Variants in ARHGAP15 observed in about 807,000 individuals in gnomAD.
ARHGAP15 encodes rho GTPase-activating protein 15.
In ARHGAP15, 51 loss-of-function variants were observed where a neutral mutation model predicts 63.7. That is an observed-to-expected ratio of 0.80 (90% CI 0.64 to 1.01). The LOEUF (loss-of-function observed/expected upper bound fraction) is 1.01. ARHGAP15 is among the 50% of genes least tolerant of loss of function. ARHGAP15 has a pLI of 0.00. For synonymous variants in ARHGAP15, 191 were observed against 193.8 expected, an observed-to-expected ratio of 0.99 and a Z score of 0.12; for missense variants, 560 against 564.6, an observed-to-expected ratio of 0.99 and a Z score of 0.08.
chr2:143,684,460 T>G (rs181294246), intron 12 of ARHGAP15, among the ~76,000 whole-genome samples: 104 of 151,910 alleles, frequency 6.8e-4, no homozygotes, highest in African/African-American at 2.4e-3. Flanking sequence ...GGATGGATCA[T>G]CTCATCTCAG....
intron 11 of ARHGAP15, among the ~76,000 whole-genome samples, chr2:143,587,029 T>A (rs528024500): frequency 6.6e-6 from 1 of 152,200 alleles, no homozygotes; most frequent in South Asian, 2.1e-4. Flanking sequence ...TTGGCACTGT[T>A]CCTATGTGAT....
chr2:143,429,421 A>G (rs971606163), intron 6 of ARHGAP15, among the ~76,000 whole-genome samples: 4 of 152,146 alleles, frequency 2.6e-5, no homozygotes, highest in Non-Finnish European at 4.4e-5. Flanking sequence ...TCACTTAAAA[A>G]GCATTGTTTC....
intron 12 of ARHGAP15, among the ~76,000 whole-genome samples, chr2:143,625,497 G>A (rs997900467): frequency 3.2e-4 from 49 of 152,200 alleles, no homozygotes; most frequent in Middle Eastern, 3.4e-3. Flanking sequence ...TGCTGTTGTT[G>A]AATGCAGTAA....
intron 9 of ARHGAP15, among the ~76,000 whole-genome samples, chr2:143,509,102 C>G (rs565324434): frequency 6.6e-6 from 1 of 152,182 alleles, no homozygotes; most frequent in African/African-American, 2.4e-5. Flanking sequence ...ACTCCGCTAT[C>G]CTTGTTCGGG....
At chr2:143,465,403 G>T (rs1187338702) in intron 8 of ARHGAP15, among the ~76,000 whole-genome samples, 1 of 152,096 alleles carries the variant, frequency 6.6e-6, no homozygotes, top group Non-Finnish European at 1.5e-5. Context: ...TTAAGAATTG[G>T]ACCGTCCTTA....
chr2:143,585,367 C>T (rs1369587011), intron 11 of ARHGAP15, among the ~76,000 whole-genome samples: 1 of 152,012 alleles, frequency 6.6e-6, no homozygotes, highest in Non-Finnish European at 1.5e-5. Flanking sequence ...AGAAAAATTA[C>T]ATCATCTAGT....
At position 143,461,090 on chromosome 2, in the gene ARHGAP15, G is replaced by T. The variant is rs182572337; in HGVS notation, c.703+24048G>T. On this transcript the variant is annotated intron_variant, in intron 8 of 13. Transcript: ENST00000295095. ...GGATCGCCTCGGGTCAGGAGTTTGA[G>T]ACCAGCCTGGCCAACATGGTGAAAC... is the stretch of plus-strand genomic sequence containing the variant. 1.3e-3 allele frequency among the ~76,000 whole-genome samples: 197 copies of T among 151,776 alleles called. 1 individual carries two copies. The highest frequency in any genetic ancestry group is 4.6e-3 in the African/African-American group (192 of 41,388).
chr2:143,153,836 CTT>C lies in ARHGAP15; in HGVS notation c.-14-1640_-14-1639del, dbSNP rs1558779538. On this transcript the variant is annotated intron_variant, in intron 1 of 13. Transcript: ENST00000295095. ...TCTTCTTCTTCTTCTTCTTCTTCTT[CTT>C]CTTCTTCCTCCTCCTCCTCCTCCTC... 3.7e-3 allele frequency among the ~76,000 whole-genome samples: 318 copies of C among 85,420 alleles called. 2 individuals are homozygous for C. Among genetic ancestry groups the C allele is most frequent in the African/African-American group, 7.7e-3 (183 of 23,892 alleles). The allele number at this position is 85,420 out of a possible 152,430, so 56.0% of individuals were successfully genotyped here.
At chr2:143,161,823 C>A (rs957020415) in intron 2 of ARHGAP15, among the ~76,000 whole-genome samples, 1 of 151,772 alleles carries the variant, frequency 6.6e-6, no homozygotes, top group African/African-American at 2.4e-5. Context: ...AGAGTGAGAG[C>A]TGAGGATGAT....
intron 13 of ARHGAP15, among the ~76,000 whole-genome samples, chr2:143,716,813 C>G (rs1034434381): frequency 6.6e-6 from 1 of 152,232 alleles, no homozygotes; most frequent in African/African-American, 2.4e-5. Context: ...GATAGAGGCA[C>G]AGGCCAATCC....
intron 13 of ARHGAP15, among the ~76,000 whole-genome samples, chr2:143,735,605 G>A (rs549228843): frequency 2.2e-4 from 34 of 152,166 alleles, no homozygotes; most frequent in South Asian, 1.2e-3. Context: ...TTATTTGTTC[G>A]TTCCTGATCC....
intron 6 of ARHGAP15, among the ~76,000 whole-genome samples, chr2:143,264,169 A>C (rs1402380663): frequency 6.6e-6 from 1 of 151,880 alleles, no homozygotes; most frequent in Non-Finnish European, 1.5e-5. Flanking sequence ...ATAGCATTTC[A>C]ATCCATGGAT....
intron 6 of ARHGAP15, chr2:143,435,198 A>G: frequency 1.1e-6 from 1 of 924,954 alleles, no homozygotes; most frequent in Non-Finnish European, 1.3e-6. Context: ...TAGAGATACT[A>G]TTAGATTTGA....
At chr2:143,691,464 T>C (rs1476022425) in intron 12 of ARHGAP15, among the ~76,000 whole-genome samples, 2 of 152,200 alleles carry the variant, frequency 1.3e-5, no homozygotes, top group Non-Finnish European at 2.9e-5. Context: ...GATGGAACCA[T>C]GCTACAATGT....
chr2:143,729,527 A>G (rs917741566), intron 13 of ARHGAP15, among the ~76,000 whole-genome samples: 1 of 152,180 alleles, frequency 6.6e-6, no homozygotes, highest in East Asian at 1.9e-4. Flanking sequence ...TTCTATTGAA[A>G]CAGCTACTGC....
At chr2:143,146,315 C>T (rs1379532377) in intron 1 of ARHGAP15, among the ~76,000 whole-genome samples, 4 of 151,992 alleles carry the variant, frequency 2.6e-5, no homozygotes, top group Non-Finnish European at 5.9e-5. Context: ...TGCACAGGCA[C>T]TTCACAAAAG....
At chr2:143,381,606 G>C (rs182065934) in intron 6 of ARHGAP15, among the ~76,000 whole-genome samples, 2 of 152,228 alleles carry the variant, frequency 1.3e-5, no homozygotes, top group African/African-American at 2.4e-5. Context: ...TTTACAGCTG[G>C]TACTGCTTGA....
At chr2:143,427,339 C>T (rs1203140630) in intron 6 of ARHGAP15, among the ~76,000 whole-genome samples, 1 of 152,100 alleles carries the variant, frequency 6.6e-6, no homozygotes, top group Non-Finnish European at 1.5e-5. Flanking sequence ...ACTACTACCT[C>T]CTCCCACAGT....
At chr2:143,318,979 G>A (rs1202589834) in intron 6 of ARHGAP15, among the ~76,000 whole-genome samples, 1 of 152,022 alleles carries the variant, frequency 6.6e-6, no homozygotes, top group East Asian at 1.9e-4. Context: ...AACCTCAACT[G>A]CAGTCCTGAA....
Sources: allele counts gnomAD v4.1 joint callset (sites outside exome capture counted in the v4.1 genomes callset), GRCh38; gene constraint gnomAD v4.1.1; transcripts MANE v1.5; gene names NCBI Gene and HGNC (gene_info 2026-07-23, HGNC 2026-07-21).